Variants in UBR1 observed in about 807,000 individuals in gnomAD.
UBR1 encodes ubiquitin protein ligase E3 component n-recognin 1.
UBR1 carries 102 observed loss-of-function variants against 242.1 expected under a neutral mutation model. That is an observed-to-expected ratio of 0.42 (90% CI 0.36 to 0.50). The LOEUF (loss-of-function observed/expected upper bound fraction) is 0.50. Ranked by LOEUF, UBR1 falls within the 20% of genes least tolerant of loss-of-function variation. UBR1 has a pLI of 0.01. For synonymous variants in UBR1, 675 were observed against 684.8 expected, an observed-to-expected ratio of 0.99 and a Z score of 0.22; for missense variants, 1,772 against 2,101.8, an observed-to-expected ratio of 0.84 and a Z score of 3.07.
chr15:43,063,608 A>T (rs999544531), intron 6 of UBR1, among the ~76,000 whole-genome samples: 1 of 152,222 alleles, frequency 6.6e-6, no homozygotes, highest in Non-Finnish European at 1.5e-5. Context: ...GTTGAAGACA[A>T]GTGTGGGCAA....
intron 15 of UBR1, among the ~76,000 whole-genome samples, chr15:43,042,439 A>ACTGTTTGAGTCAACTTATAAT (rs1233429761): frequency 6.6e-6 from 1 of 152,182 alleles, no homozygotes; most frequent in Non-Finnish European, 1.5e-5. Flanking sequence ...AAGGACAAAT[A>ACTGTTTGAGTCAACTTATAAT]CTGTTTGAGT....
chr15:43,041,476 A>AC (rs954645400), intron 15 of UBR1, among the ~76,000 whole-genome samples: 13 of 151,902 alleles, frequency 8.6e-5, no homozygotes, highest in African/African-American at 2.4e-4. Flanking sequence ...ATGTATAGGG[A>AC]CCCCCCTATA....
At chr15:43,036,824 G>C (rs765073304) in intron 17 of UBR1, among the ~76,000 whole-genome samples, 1 of 151,816 alleles carries the variant, frequency 6.6e-6, no homozygotes, top group Non-Finnish European at 1.5e-5. Context: ...AGTTATTACT[G>C]TCATGTATAA....
In UBR1 at chr15:42,945,274, G is replaced by T. The variant is rs1694490105; in HGVS notation, c.*55C>A. ...CCCTCAGAAAGTTTTCCATAATTTT[G>T]AATCAGCCTTTACTACTGTCGTCAT... On this transcript the variant is annotated 3_prime_UTR_variant, in exon 47 of 47. Coordinates refer to ENST00000290650, the MANE Select transcript of UBR1 (RefSeq NM_174916.3). 6.2e-7 allele frequency: 1 copy of T among 1,613,226 alleles called. No homozygotes were observed. The highest frequency in any genetic ancestry group is 2.2e-5 in the East Asian group (1 of 44,876).
At chr15:42,951,954 G>C (rs1297851793) in intron 45 of UBR1, among the ~76,000 whole-genome samples, 1 of 152,088 alleles carries the variant, frequency 6.6e-6, no homozygotes, top group Non-Finnish European at 1.5e-5. Context: ...ATTTTAAAGA[G>C]CTCATCTTCC....
chr15:42,968,026 A>G (rs528591427), intron 40 of UBR1, among the ~76,000 whole-genome samples: 1 of 152,044 alleles, frequency 6.6e-6, no homozygotes, highest in East Asian at 1.9e-4. Flanking sequence ...GCATGTTAAA[A>G]TACAAATGCC....
intron 29 of UBR1, among the ~76,000 whole-genome samples, chr15:43,009,394 A>G (rs1343854227): frequency 6.6e-6 from 1 of 152,200 alleles, no homozygotes; most frequent in Non-Finnish European, 1.5e-5. Context: ...GGCTGTGTGC[A>G]GTGGCCAGAC....
chr15:43,044,853 C>T (rs928872353), intron 14 of UBR1, among the ~76,000 whole-genome samples: 1 of 152,092 alleles, frequency 6.6e-6, no homozygotes, highest in Admixed American at 6.6e-5. Flanking sequence ...CAAGTTCGTG[C>T]CACTGCACTC....
At chr15:43,052,579 C>T (rs2033569555) in intron 12 of UBR1, among the ~76,000 whole-genome samples, 1 of 152,098 alleles carries the variant, frequency 6.6e-6, no homozygotes, top group South Asian at 2.1e-4. Flanking sequence ...ACTATGAAGA[C>T]CTACAAATTC....
intron 40 of UBR1, among the ~76,000 whole-genome samples, chr15:42,968,377 T>C (rs1164645057): frequency 6.6e-6 from 1 of 151,792 alleles, no homozygotes; most frequent in Non-Finnish European, 1.5e-5. Flanking sequence ...CTAAAAGCCC[T>C]TAACAGATTT....
intron 29 of UBR1, among the ~76,000 whole-genome samples, chr15:43,013,168 G>C (rs1225975494): frequency 6.6e-6 from 1 of 152,204 alleles, no homozygotes. Flanking sequence ...GCCTCCCAAA[G>C]TGCTGGGATT....
chr15:43,095,542 TAAA>T (rs60302282), intron 1 of UBR1, among the ~76,000 whole-genome samples: 4 of 117,488 alleles, frequency 3.4e-5, no homozygotes, highest in Non-Finnish European at 5.5e-5. Context: ...GTGACAACAT[TAAA>T]AAAAAAAAAA....
At position 43,007,076 on chromosome 15, in the gene UBR1, T is replaced by A. The variant is rs2032842005; in HGVS notation, c.3415+3A>T. 6.2e-7 allele frequency: 1 copy of A among 1,613,916 alleles called. No individual in the cohort carries two copies. The highest frequency in any genetic ancestry group is 8.5e-7 in the Non-Finnish European group (1 of 1,179,780). ...AAAAGGATATTTATTAAATAATACATACCTCCTGAGAGTTCTATGGGTTTT... is the reference window on the plus strand; with the variant it reads ...AAAAGGATATTTATTAAATAATACAAACCTCCTGAGAGTTCTATGGGTTTT... On this transcript the variant is annotated splice_donor_region_variant and intron_variant, in intron 30 of 46. Transcript: ENST00000290650.
At chr15:43,075,553 A>T (rs1373818051) in intron 3 of UBR1, among the ~76,000 whole-genome samples, 7 of 152,032 alleles carry the variant, frequency 4.6e-5, no homozygotes, top group Non-Finnish European at 1.5e-5. Flanking sequence ...CTCGTCATCT[A>T]GCATTAGGTA....
intron 33 of UBR1, among the ~76,000 whole-genome samples, 155 bp downstream of exon 33, chr15:42,998,013 A>C (rs1034576385): frequency 3.3e-5 from 5 of 152,232 alleles, no homozygotes; most frequent in Non-Finnish European, 7.3e-5. Context: ...TAATAAAGCA[A>C]TTTAAGCCAC....
At chr15:43,048,062 C>T (rs540793936) in intron 13 of UBR1, among the ~76,000 whole-genome samples, 1 of 152,002 alleles carries the variant, frequency 6.6e-6, no homozygotes, top group African/African-American at 2.4e-5. Flanking sequence ...TGGTGCATGC[C>T]TGTAATCCCA....
chr15:43,077,690 A>T (rs558731136), intron 3 of UBR1, among the ~76,000 whole-genome samples: 29 of 151,228 alleles, frequency 1.9e-4, no homozygotes, highest in African/African-American at 6.8e-4. Context: ...AAATAAAAAT[A>T]AAATAAAAAA....
Position 43,075,039 on chromosome 15 carries a change from T to C in UBR1, c.468A>G (p.Ala156=), listed in dbSNP as rs757234843. Residue 156 remains alanine, a synonymous_variant, in exon 4 of 47, where the codon GCA becomes GCG. Coordinates refer to ENST00000290650, the MANE Select transcript of UBR1 (RefSeq NM_174916.3). ...GGFCDCGDTE[A]WKTGPFCVNH... ...TTACACAAAAAGGGCCAGTTTTCCA[T>C]GCCTCTGTGTCTCCACAGTCACAGA... 1.9e-6 allele frequency: 3 copies of C among 1,614,158 alleles called. No homozygotes were observed. Among genetic ancestry groups the C allele is most frequent in the East Asian group, 2.2e-5 (1 of 44,856 alleles).
intron 12 of UBR1, among the ~76,000 whole-genome samples, chr15:43,048,869 G>A (rs2033518240): frequency 6.6e-6 from 1 of 152,184 alleles, no homozygotes; most frequent in Non-Finnish European, 1.5e-5. Context: ...TCAGCCTCAG[G>A]AGATTTGGAA....
Sources: gnomAD v4.1 joint callset for allele counts (sites outside exome capture counted in the v4.1 genomes callset) on GRCh38, gnomAD v4.1.1 for gene constraint, MANE v1.5 for transcripts, NCBI Gene and HGNC (gene_info 2026-07-23, HGNC 2026-07-21) for gene names.